Variants in SERGEF observed in about 807,000 individuals in gnomAD.
The protein encoded by SERGEF is secretion-regulating guanine nucleotide exchange factor.
SERGEF carries 51 observed loss-of-function variants against 50.0 expected under a neutral mutation model. The ratio of observed to expected loss-of-function variants is 1.02; its 90% CI spans 0.81 to 1.29. The LOEUF is 1.29. SERGEF is among the 50% of genes most tolerant of loss of function. The probability of loss-of-function intolerance (pLI) is 0.00; values close to 1 mark genes in which losing one functional copy is unlikely to be tolerated. For synonymous variants in SERGEF, 205 were observed against 212.4 expected, an observed-to-expected ratio of 0.97 and a Z score of 0.30; for missense variants, 521 against 557.0, an observed-to-expected ratio of 0.94 and a Z score of 0.65.
At chr11:17,801,948 T>C (rs564802514) in intron 10 of SERGEF, among the ~76,000 whole-genome samples, 1 of 152,336 alleles carries the variant, frequency 6.6e-6, no homozygotes, top group South Asian at 2.1e-4. Context: ...TAATATAAAT[T>C]ACCTTTGTGA....
intron 9 of SERGEF, among the ~76,000 whole-genome samples, chr11:17,927,131 T>C (rs1852266901): frequency 6.6e-6 from 1 of 152,200 alleles, no homozygotes; most frequent in African/African-American, 2.4e-5. Flanking sequence ...TTCTGAAGTC[T>C]GAAGGCTGCT....
chr11:17,996,031 G>C, intron 5 of SERGEF, 122 bp from the exon 6 acceptor site: 1 of 713,436 alleles, frequency 1.4e-6, no homozygotes, highest in Non-Finnish European at 2.4e-6. Flanking sequence ...GAGTGTTATG[G>C]AGAAGCTCAA....
At chr11:17,963,181 CAAAAAAAAAAAAAAAAAA>C (rs1164488575) in intron 8 of SERGEF, among the ~76,000 whole-genome samples, 1 of 16,492 alleles carries the variant, frequency 6.1e-5, no homozygotes, top group Non-Finnish European at 1.2e-4. Flanking sequence ...GACTCTGTTT[CAAAAAAAAAAAAAAAAAA>C]AAAAAAAGTC....
intron 9 of SERGEF, among the ~76,000 whole-genome samples, chr11:17,956,021 C>T (rs1852862746): frequency 6.6e-6 from 1 of 152,148 alleles, no homozygotes; most frequent in Non-Finnish European, 1.5e-5. Flanking sequence ...TGGGATTAAT[C>T]CAGATCACTG....
rs191704381 is a variant in SERGEF, at chr11:17,884,634, C to A, written c.1012-6390G>T. On this transcript the variant is annotated intron_variant, in intron 9 of 10. Coordinates refer to ENST00000265965, the MANE Select transcript of SERGEF (RefSeq NM_012139.4). This position sits in a 1 kb window ranked among gnomAD's most constrained non-coding sequence, Gnocchi z 4.6. Reference sequence around the variant, plus strand: ...CCATGGCGACACCAGAGAGGCAGCACGGCTGTTTGCTTCTGGAAGAACCTA... The same window carrying A: ...CCATGGCGACACCAGAGAGGCAGCAAGGCTGTTTGCTTCTGGAAGAACCTA... 6.6e-6 allele frequency among the ~76,000 whole-genome samples: 1 copy of A among 152,076 alleles called. No individual in the cohort carries two copies. Among genetic ancestry groups the A allele is most frequent in the Admixed American group, 6.5e-5 (1 of 15,272 alleles).
intron 10 of SERGEF, among the ~76,000 whole-genome samples, chr11:17,821,241 A>T (rs1179627375): frequency 6.6e-6 from 1 of 152,216 alleles, no homozygotes; most frequent in Non-Finnish European, 1.5e-5. Flanking sequence ...ATATGAGAGA[A>T]TAAATTCCTA....
chr11:17,820,623 T>G (rs1380198454), intron 10 of SERGEF, among the ~76,000 whole-genome samples: 4 of 152,340 alleles, frequency 2.6e-5, no homozygotes, highest in East Asian at 1.9e-4. Context: ...CTTACAATCT[T>G]GGACTGTATA....
chr11:17,827,041 C>T (rs556494474), intron 10 of SERGEF, among the ~76,000 whole-genome samples: 1 of 152,234 alleles, frequency 6.6e-6, no homozygotes, highest in South Asian at 2.1e-4. Context: ...TAAATAGATG[C>T]CTGGATTTTA....
intron 9 of SERGEF, among the ~76,000 whole-genome samples, chr11:17,946,245 T>C (rs1031297309): frequency 9.9e-5 from 15 of 152,178 alleles, no homozygotes; most frequent in African/African-American, 3.6e-4. Flanking sequence ...AGGGTTTTAC[T>C]AGCAACTTTG....
rs372140742 is a variant in SERGEF, at chr11:18,004,434, T to C, written c.447+7A>G. ...TCATGGGCAAGCTAAATATTAACTG[T>C]CCTCACCTCAATGGCCTGGGGAACC... On this transcript the variant is annotated splice_region_variant and intron_variant, in intron 4 of 10. Coordinates refer to ENST00000265965, the MANE Select transcript of SERGEF (RefSeq NM_012139.4). 1 of 1,606,220 alleles carries C rather than the reference T, an allele frequency of 6.2e-7. No individual in the cohort carries two copies. The highest frequency in any genetic ancestry group is 8.5e-7 in the Non-Finnish European group (1 of 1,173,154).
At chr11:17,815,689 C>T (rs1254638205) in intron 10 of SERGEF, among the ~76,000 whole-genome samples, 4 of 151,744 alleles carry the variant, frequency 2.6e-5, no homozygotes, top group East Asian at 2.0e-4. Flanking sequence ...TTTGGGAGGC[C>T]GAGGTGGGTG....
chr11:17,880,604 TTTC>T (rs1851318635), intron 9 of SERGEF, among the ~76,000 whole-genome samples: 1 of 152,206 alleles, frequency 6.6e-6, no homozygotes, highest in South Asian at 2.1e-4. Flanking sequence ...GATTTTTCTT[TTTC>T]TTTTTTTCTA....
intron 2 of SERGEF, among the ~76,000 whole-genome samples, 167 bp from the exon 3 acceptor site, chr11:18,006,913 G>A (rs1262359932): frequency 6.6e-6 from 1 of 152,214 alleles, no homozygotes; most frequent in Non-Finnish European, 1.5e-5. Context: ...AACAACACAA[G>A]GCCAAGGGCC....
chr11:17,795,763 G>A (rs1452971558), intron 10 of SERGEF, among the ~76,000 whole-genome samples: 1 of 152,236 alleles, frequency 6.6e-6, no homozygotes, highest in Non-Finnish European at 1.5e-5. Context: ...CAGAGAAGAG[G>A]AAAATTCATT....
In SERGEF at chr11:17,932,582, C is replaced by T. The variant is rs550061664; in HGVS notation, c.1011+26888G>A. Among the ~76,000 whole-genome samples, 6 of 152,216 alleles carry T rather than the reference C, an allele frequency of 3.9e-5. No homozygotes were observed. The South Asian group carries it at 1.2e-3, about 32-fold the overall frequency. ...AATAAAAAAAGAAAGATGGGAGGAT[C>T]AGCCCTAAGAGGAGAAAGGAGCCAT... On this transcript the variant is annotated intron_variant, in intron 9 of 10. Transcript: ENST00000265965.
chr11:17,895,100 C>T (rs576660459), intron 9 of SERGEF, among the ~76,000 whole-genome samples: 2 of 152,172 alleles, frequency 1.3e-5, no homozygotes, highest in African/African-American at 4.8e-5. Flanking sequence ...GCTGCAGCTG[C>T]ACAGCAGAGC....
intron 8 of SERGEF, among the ~76,000 whole-genome samples, chr11:17,981,869 T>C (rs1251753166): frequency 6.6e-6 from 1 of 152,116 alleles, no homozygotes; most frequent in Non-Finnish European, 1.5e-5. Context: ...GGCGCAACCT[T>C]AGCTTACTGC....
intron 9 of SERGEF, among the ~76,000 whole-genome samples, chr11:17,927,328 A>G (rs1264324757): frequency 6.6e-6 from 1 of 152,242 alleles, no homozygotes; most frequent in African/African-American, 2.4e-5. Flanking sequence ...GCTCTGCTTA[A>G]GATCCCGTGG....
intron 10 of SERGEF, among the ~76,000 whole-genome samples, chr11:17,865,610 G>C (rs183945649): frequency 2.0e-5 from 3 of 151,596 alleles, no homozygotes; most frequent in Non-Finnish European, 4.4e-5. Context: ...AAACAAAAAA[G>C]TTTAAAAAGC....
Sources: gnomAD v4.1 joint callset for allele counts (sites outside exome capture counted in the v4.1 genomes callset) on GRCh38, gnomAD v4.1.1 for gene constraint, Gnocchi (gnomAD v3.1) non-coding constraint, MANE v1.5 for transcripts, NCBI Gene and HGNC (gene_info 2026-07-23, HGNC 2026-07-21) for gene names.